VAV3: variants seen among roughly 807,000 people sequenced by gnomAD.
The protein encoded by VAV3 is guanine nucleotide exchange factor VAV3.
A neutral mutation model predicts 131.2 loss-of-function variants in VAV3; 94 were observed. The ratio of observed to expected loss-of-function variants is 0.72; its 90% confidence interval spans 0.61 to 0.85. The LOEUF is 0.85. Ranked by LOEUF, VAV3 falls within the 40% of genes least tolerant of loss-of-function variation. The probability of loss-of-function intolerance (pLI) is 0.00; values close to 1 mark genes in which losing one functional copy is unlikely to be tolerated. For synonymous variants in VAV3, 349 were observed against 342.0 expected (o/e 1.02, Z -0.22); for missense variants, 939 against 1,002.7 (o/e 0.94, Z 0.86).
intron 25 of VAV3, among the ~76,000 whole-genome samples, chr1:107,587,046 G>T (rs533419258): frequency 1.1e-4 from 16 of 152,236 alleles, no homozygotes; most frequent in African/African-American, 3.8e-4. Flanking sequence ...GGCTAATGGG[G>T]ATGGTAAGTT....
chr1:107,866,388 T>C (rs1173082309), intron 2 of VAV3, among the ~76,000 whole-genome samples: 2 of 152,154 alleles, frequency 1.3e-5, no homozygotes, highest in Admixed American at 6.5e-5. Context: ...TGATCAGATC[T>C]ACATTTTTGG....
chr1:107,617,859 T>G (rs1227918352), intron 20 of VAV3, among the ~76,000 whole-genome samples: 1 of 152,180 alleles, frequency 6.6e-6, no homozygotes. Context: ...CATAAAATAA[T>G]TCAAGTTTAT....
chr1:107,755,508 C>A lies in VAV3; in HGVS notation c.1092G>T (p.Leu364Phe). 2 of 1,612,090 alleles carry A rather than the reference C, an allele frequency of 1.2e-6. No individual in the cohort carries two copies. Among genetic ancestry groups the A allele is most frequent in the Non-Finnish European group, 1.7e-6 (2 of 1,178,498 alleles). ...LKLALDAMKD[L>F]AQYVNEVKRD... ...TTTTCACTTCATTCACATATTGTGC[C>A]AAGTCCTAGACAATAAAGAAAAGGG... Residue 364 changes from leucine to phenylalanine, a missense_variant, in exon 12 of 27, where the codon TTG becomes TTT. Coordinates refer to ENST00000370056, the MANE Select transcript of VAV3 (RefSeq NM_006113.5).
intron 10 of VAV3, among the ~76,000 whole-genome samples, chr1:107,758,358 C>T (rs1486232582): frequency 6.6e-6 from 1 of 152,024 alleles, no homozygotes; most frequent in East Asian, 1.9e-4. Flanking sequence ...TCACTTGAGT[C>T]CAGGAATTTG....
chr1:107,795,876 T>C (rs17014208), intron 2 of VAV3, among the ~76,000 whole-genome samples: 12,746 of 152,192 alleles, frequency 0.084, 783 homozygotes, highest in East Asian at 0.27. Flanking sequence ...GCTGAGCTTA[T>C]TAGAAAGTAA....
chr1:107,805,992 A>AT (rs1327573098), intron 2 of VAV3, among the ~76,000 whole-genome samples: 2 of 152,052 alleles, frequency 1.3e-5, no homozygotes, highest in African/African-American at 2.4e-5. Flanking sequence ...TGTGCCCAGG[A>AT]TATCTGTGGA....
intron 9 of VAV3, 87 bp from the exon 10 acceptor site, chr1:107,760,966 T>C (rs1272166426): frequency 3.9e-6 from 3 of 764,396 alleles, no homozygotes; most frequent in Non-Finnish European, 6.3e-6. Context: ...TATTATACAA[T>C]AAATGAGTGC....
intron 2 of VAV3, among the ~76,000 whole-genome samples, chr1:107,871,343 C>A (rs1670244946): frequency 6.6e-6 from 1 of 151,594 alleles, no homozygotes; most frequent in African/African-American, 2.4e-5. Context: ...CCCCTCTCCC[C>A]CCACCAGACC....
intron 12 of VAV3, 79 bp downstream of exon 12, chr1:107,755,346 CTA>C (rs1025984636): frequency 8.3e-6 from 9 of 1,086,300 alleles, no homozygotes; most frequent in Non-Finnish European, 1.2e-5. Flanking sequence ...TGAAGGTAAA[CTA>C]TGTTTTCTTC....
Position 107,777,250 on chromosome 1 carries a change from C to G in VAV3, c.427G>C (p.Gly143Arg). 6.2e-7 allele frequency: 1 copy of G among 1,613,982 alleles called. No homozygotes were observed. ...ESINDEDIYK[G>R]LPDLIDETLV... ...ACATACTCTATTAAATCAGGAAGGC[C>G]TTTGTAGATGTCTTCATCATTAATG... The change falls in exon 4 of 27, where the codon GGC (glycine) becomes CGC (arginine). Residue 143 changes from glycine (G) to arginine (R), a missense_variant. Transcript: ENST00000370056.
At chr1:107,591,097 A>G (rs1241818557) in intron 25 of VAV3, among the ~76,000 whole-genome samples, 2 of 151,776 alleles carry the variant, frequency 1.3e-5, no homozygotes, top group Admixed American at 1.3e-4. Context: ...CACACAAACG[A>G]CCTCTTTGCT....
chr1:107,749,115 T>C (rs1663542053), intron 14 of VAV3, 38 bp from the exon 15 acceptor site: 2 of 1,373,258 alleles, frequency 1.5e-6, no homozygotes, highest in African/African-American at 2.9e-5. Context: ...ATATGTATCA[T>C]TAATAACATG....
chr1:107,866,827 A>C (rs1670010387), intron 2 of VAV3, among the ~76,000 whole-genome samples: 1 of 95,394 alleles, frequency 1.0e-5, no homozygotes. Context: ...CATCTCAAAA[A>C]AAAAAAAAAA....
rs555111316 is a variant in VAV3 at position 107,951,959 on chromosome 1, C to A, written c.204+12707G>T. On this transcript the variant is annotated intron_variant, in intron 1 of 26. Coordinates refer to ENST00000370056, the MANE Select transcript of VAV3 (RefSeq NM_006113.5). Reference sequence around the variant, plus strand: ...CAGAAATACCATTTGACCCAGCAATCCCATTGCAGGATATACACCCAAAGG... The same window carrying A: ...CAGAAATACCATTTGACCCAGCAATACCATTGCAGGATATACACCCAAAGG... 6.6e-5 allele frequency among the ~76,000 whole-genome samples: 10 copies of A among 152,226 alleles called. No homozygotes were observed. The East Asian group carries it at 1.9e-3, about 29-fold the overall frequency.
At chr1:107,813,967 A>AGTGTGT (rs58318688) in intron 2 of VAV3, among the ~76,000 whole-genome samples, 10,555 of 135,664 alleles carry the variant, frequency 0.078, 423 homozygotes, top group Admixed American at 0.084. Context: ...ATAGTACTCC[A>AGTGTGT]GTGTGTGTGT....
At chr1:107,906,064 G>A (rs1233603883) in intron 1 of VAV3, among the ~76,000 whole-genome samples, 1 of 152,098 alleles carries the variant, frequency 6.6e-6, no homozygotes, top group Non-Finnish European at 1.5e-5. Flanking sequence ...TAAATTTAAA[G>A]TTGCTCATCA....
intron 1 of VAV3, among the ~76,000 whole-genome samples, chr1:107,906,245 CTTGTTTTGTT>C (rs59790141): frequency 1.2e-4 from 18 of 152,088 alleles, no homozygotes; most frequent in South Asian, 2.1e-4. Context: ...TAAGCCAAGG[CTTGTTTTGTT>C]TTGTTTTGTT....
At chr1:107,625,925 T>C (rs767956786) in intron 20 of VAV3, among the ~76,000 whole-genome samples, 8 of 152,126 alleles carry the variant, frequency 5.3e-5, no homozygotes, top group Non-Finnish European at 8.8e-5. Context: ...TATGGCAGAA[T>C]GTAGCTTACA....
intron 2 of VAV3, among the ~76,000 whole-genome samples, chr1:107,856,533 A>T (rs1382876617): frequency 6.8e-6 from 1 of 146,018 alleles, no homozygotes; most frequent in Admixed American, 7.0e-5. Flanking sequence ...CCGAAATATT[A>T]AAAAAAAAAT....
Sources: allele counts gnomAD v4.1 joint callset (sites outside exome capture counted in the v4.1 genomes callset), GRCh38; gene constraint gnomAD v4.1.1; transcripts MANE v1.5; gene names NCBI Gene and HGNC (gene_info 2026-07-23, HGNC 2026-07-21).